The following GPR155 variants were observed in gnomAD, a reference collection of about 807,000 sequenced individuals.
GPR155 encodes lysosomal cholesterol signaling protein.
Under a neutral mutation model 93.1 loss-of-function variants are expected in GPR155, and 65 were observed. The ratio of observed to expected loss-of-function variants is 0.70; its 90% confidence interval spans 0.57 to 0.86. The LOEUF (loss-of-function observed/expected upper bound fraction) is 0.86, where lower values mean the gene tolerates loss of function less well. Among genes scored for constraint, GPR155 ranks in the 40% least tolerant of loss-of-function variants. The pLI, the probability that GPR155 is intolerant of heterozygous loss-of-function variation, is 0.00. For missense variants in GPR155, 838 were observed against 1,034.8 expected (o/e 0.81, Z 2.61); for synonymous variants, 319 against 360.1 (o/e 0.89, Z 1.29).
chr2:174,438,005 C>CT (rs893050543), intron 15 of GPR155, among the ~76,000 whole-genome samples: 3 of 151,356 alleles, frequency 2.0e-5, no homozygotes, highest in African/African-American at 7.3e-5. Flanking sequence ...AATCCCAGCA[C>CT]TTTTTTTGGG....
chr2:174,455,308 C>T (rs1191056636), intron 10 of GPR155, among the ~76,000 whole-genome samples: 1 of 152,108 alleles, frequency 6.6e-6, no homozygotes, highest in African/African-American at 2.4e-5. Context: ...GAGTGCTGGA[C>T]GGACCAAAGA....
At chr2:174,472,711 T>A (rs1236475195) in intron 3 of GPR155, among the ~76,000 whole-genome samples, 1 of 152,104 alleles carries the variant, frequency 6.6e-6, no homozygotes, top group African/African-American at 2.4e-5. Flanking sequence ...AGATACTGAG[T>A]AAACTTTATG....
chr2:174,452,897 G>A (rs535936299), intron 11 of GPR155, among the ~76,000 whole-genome samples: 9 of 152,252 alleles, frequency 5.9e-5, no homozygotes, highest in South Asian at 2.1e-4. Context: ...TGATCCACCC[G>A]CCTCGGCCTC....
chr2:174,481,766 A>G lies in GPR155; in HGVS notation c.191T>C (p.Val64Ala). 1 of 1,614,212 alleles carries G rather than the reference A, an allele frequency of 6.2e-7. No homozygotes were observed. The highest frequency in any genetic ancestry group is 1.7e-5 in the Admixed American group (1 of 60,034). The change falls in exon 2 of 16, where the codon GTC (valine) becomes GCC (alanine). Residue 64 changes from valine to alanine, a missense_variant. Transcript: ENST00000392552. ...TCCTTTGGCCTGGGTTGATGTTATGACATTGGCCCTTCCTGCTATGTAGCC... is the reference window on the plus strand; with the variant it reads ...TCCTTTGGCCTGGGTTGATGTTATGGCATTGGCCCTTCCTGCTATGTAGCC... ...LCGYIAGRAN[V>A]ITSTQAKGLG...
intron 9 of GPR155, among the ~76,000 whole-genome samples, chr2:174,460,830 C>T (rs984640995): frequency 6.6e-6 from 1 of 152,126 alleles, no homozygotes; most frequent in Non-Finnish European, 1.5e-5. Context: ...CAAGACTACT[C>T]TAAATCTTTT....
intron 11 of GPR155, among the ~76,000 whole-genome samples, chr2:174,448,536 T>TTTG (rs1687218219): frequency 7.1e-6 from 1 of 140,556 alleles, no homozygotes; most frequent in Non-Finnish European, 1.5e-5. Context: ...TTTTGTTTTT[T>TTTG]TTTTTTTTTT....
At chr2:174,477,834 T>C (rs1688210816) in intron 2 of GPR155, among the ~76,000 whole-genome samples, 1 of 152,188 alleles carries the variant, frequency 6.6e-6, no homozygotes, top group South Asian at 2.1e-4. Flanking sequence ...TGAGGAGTTA[T>C]TATATAGCTT....
chr2:174,470,919 G>A (rs540947718), intron 3 of GPR155, among the ~76,000 whole-genome samples: 1 of 150,900 alleles, frequency 6.6e-6, no homozygotes, highest in Non-Finnish European at 1.5e-5. Context: ...AAGAAAGAAA[G>A]AAGGTTGACA....
chr2:174,473,425 T>A, intron 2 of GPR155, 61 bp from the exon 3 acceptor site: 1 of 1,097,960 alleles, frequency 9.1e-7, no homozygotes, highest in Non-Finnish European at 1.3e-6. Flanking sequence ...ATATGTTATG[T>A]ATATAACATT....
At chr2:174,471,110 C>T (rs60455125) in intron 3 of GPR155, among the ~76,000 whole-genome samples, 18 of 151,768 alleles carry the variant, frequency 1.2e-4, no homozygotes, top group African/African-American at 2.7e-4. Flanking sequence ...AAAATCCTGC[C>T]GGCATGGTGG....
At chr2:174,479,568 A>G (rs916474617) in intron 2 of GPR155, among the ~76,000 whole-genome samples, 2 of 152,238 alleles carry the variant, frequency 1.3e-5, no homozygotes, top group Admixed American at 6.5e-5. Flanking sequence ...AGATAAGTAT[A>G]TAAGAAAGTA....
At chr2:174,486,668 G>A (rs1254408708) in intron 1 of GPR155, among the ~76,000 whole-genome samples, 1 of 152,032 alleles carries the variant, frequency 6.6e-6, no homozygotes, top group African/African-American at 2.4e-5. Flanking sequence ...TCCCCCGCGC[G>A]AGCCTTCCCG....
At chr2:174,442,324 AG>A in intron 13 of GPR155, 141 bp from the exon 14 acceptor site, 2 of 583,392 alleles carry the variant, frequency 3.4e-6, no homozygotes, top group South Asian at 3.9e-5. Context: ...GAACACACAA[AG>A]TAGGCCCTTC....
intron 7 of GPR155, among the ~76,000 whole-genome samples, chr2:174,464,858 G>T (rs1397825890): frequency 6.6e-6 from 1 of 151,904 alleles, no homozygotes; most frequent in African/African-American, 2.4e-5. Context: ...CCACATTGTT[G>T]CTTCACTTCA....
intron 2 of GPR155, among the ~76,000 whole-genome samples, chr2:174,478,574 T>TGTA (rs1688232967): frequency 6.6e-6 from 1 of 152,202 alleles, no homozygotes; most frequent in African/African-American, 2.4e-5. Flanking sequence ...AATACATCAT[T>TGTA]TTAATGTAAT....
At chr2:174,474,970 A>G (rs1688103645) in intron 2 of GPR155, among the ~76,000 whole-genome samples, 1 of 152,174 alleles carries the variant, frequency 6.6e-6, no homozygotes, top group South Asian at 2.1e-4. Flanking sequence ...GTCGTTCACA[A>G]GGAGAGAGGC....
intron 7 of GPR155, among the ~76,000 whole-genome samples, chr2:174,463,411 G>A (rs1333189894): frequency 1.3e-5 from 2 of 151,998 alleles, no homozygotes; most frequent in African/African-American, 4.8e-5. Flanking sequence ...ATATTGCCCA[G>A]GCTAGTCTCG....
chr2:174,450,718 T>C (rs1489397334), intron 11 of GPR155, among the ~76,000 whole-genome samples: 1 of 152,164 alleles, frequency 6.6e-6, no homozygotes, highest in African/African-American at 2.4e-5. Context: ...TAGTCCAACA[T>C]ATAGTCTTAT....
chr2:174,442,317 C>T, intron 13 of GPR155, 134 bp from the exon 14 acceptor site: 1 of 592,556 alleles, frequency 1.7e-6, no homozygotes, highest in South Asian at 1.9e-5. Context: ...TTAAGTGGAA[C>T]ACACAAAGTA....
Sources: allele counts gnomAD v4.1 joint callset (sites outside exome capture counted in the v4.1 genomes callset), GRCh38; gene constraint gnomAD v4.1.1; transcripts MANE v1.5; gene names NCBI Gene and HGNC (gene_info 2026-07-23, HGNC 2026-07-21).